Variants in MOCOS observed in about 807,000 individuals in gnomAD.
The protein encoded by MOCOS is human molybdenum cofactor sulfurase.
MOCOS carries 86 observed loss-of-function variants against 83.6 expected under a neutral mutation model. The observed-to-expected ratio is 1.03, with a 90% CI of 0.86 to 1.23. MOCOS has a LOEUF of 1.23. Ranked by LOEUF, MOCOS falls within the 50% of genes most tolerant of loss-of-function variation. MOCOS has a pLI of 0.00. For missense variants in MOCOS, 1,120 were observed against 1,126.9 expected (o/e 0.99, Z 0.09); for synonymous variants, 445 against 434.7 (o/e 1.02, Z -0.29).
Position 36,268,711 on chromosome 18 carries a change from C to T in MOCOS, c.*26C>T. The T allele has an allele frequency of 1.6e-6, 2 of 1,249,282 alleles. No homozygotes were observed. Among genetic ancestry groups the T allele is most frequent in the Non-Finnish European group, 2.3e-6 (2 of 882,044 alleles). 77.4% of individuals were successfully genotyped at this position (1,249,282 alleles called of 1,614,324 possible). On this transcript the variant is annotated 3_prime_UTR_variant, in exon 15 of 15. Coordinates refer to ENST00000261326, the MANE Select transcript of MOCOS (RefSeq NM_017947.4). ...AAAAAATTTTTAGCATAAAGTTTCT[C>T]TTTTACAGTGATCTCTATTATTGTT...
intron 13 of MOCOS, among the ~76,000 whole-genome samples, chr18:36,262,541 C>T (rs775137153): frequency 3.3e-5 from 5 of 152,126 alleles, no homozygotes; most frequent in Admixed American, 1.3e-4. Context: ...CTCTGTTGTC[C>T]AGGCTAGAGT....
rs1352766456 is a variant in MOCOS, at chr18:36,268,846, C to T, written c.*161C>T. The T allele has an allele frequency of 4.4e-6, 3 of 680,626 alleles. No individual in the cohort carries two copies. In the African/African-American group the frequency reaches 5.4e-5, roughly 12 times the overall value. The allele number at this position is 680,626 out of a possible 1,614,324, so 42.2% of individuals were successfully genotyped here. ...GCTTCCTTCTGCCTTTGACTTCTCACCCTGCAAATTTGCACTGGCTGTGCT... is the reference window on the plus strand; with the variant it reads ...GCTTCCTTCTGCCTTTGACTTCTCATCCTGCAAATTTGCACTGGCTGTGCT... On this transcript the variant is annotated 3_prime_UTR_variant, in exon 15 of 15. Transcript: ENST00000261326.
At chr18:36,197,478 T>G (rs981482599) in intron 2 of MOCOS, among the ~76,000 whole-genome samples, 1 of 151,946 alleles carries the variant, frequency 6.6e-6, no homozygotes, top group Non-Finnish European at 1.5e-5. Flanking sequence ...ATCATAAAAT[T>G]TACCAGCTGG....
chr18:36,192,684 G>A (rs551846811), intron 1 of MOCOS, among the ~76,000 whole-genome samples: 3 of 152,156 alleles, frequency 2.0e-5, no homozygotes, highest in African/African-American at 7.2e-5. Flanking sequence ...GTCTCACTCT[G>A]TCACAAAGAC....
At chr18:36,251,323 T>C (rs769445515) in intron 11 of MOCOS, 40 bp downstream of exon 11, 1 of 1,610,406 alleles carries the variant, frequency 6.2e-7, no homozygotes, top group Non-Finnish European at 8.5e-7. Flanking sequence ...ACAGGAACCC[T>C]GGCTTACCCT....
chr18:36,245,835 T>A (rs2091600413), intron 9 of MOCOS, among the ~76,000 whole-genome samples: 1 of 152,166 alleles, frequency 6.6e-6, no homozygotes, highest in Non-Finnish European at 1.5e-5. Flanking sequence ...AATTCTTTTT[T>A]ATTTGTCTTT....
rs755320663 is a variant in MOCOS, at chr18:36,251,278, G to A, written c.2159G>A (p.Gly720Glu). Residue 720 changes from glycine to glutamate, a missense_variant, in exon 11 of 15, where the codon GGA becomes GAA. By Grantham distance (98) the Gly-to-Glu change is moderately conservative (BLOSUM62 -2). Coordinates refer to ENST00000261326, the MANE Select transcript of MOCOS (RefSeq NM_017947.4). ...NSQRNAKKKHGKDQLPGTMAT... is the reference protein window; with the variant it reads ...NSQRNAKKKHEKDQLPGTMAT... The stretch of plus-strand genomic sequence containing the variant: ...CAAAGGAATGCAAAGAAGAAACATG[G>A]AAAAGGTATTACATTTTGAATTGGT... 8.7e-6 allele frequency: 14 copies of A among 1,613,946 alleles called. No individual in the cohort carries two copies. In the South Asian group the frequency reaches 1.4e-4, roughly 16 times the overall value.
intron 1 of MOCOS, among the ~76,000 whole-genome samples, chr18:36,189,019 C>T (rs1329993694): frequency 6.6e-6 from 1 of 152,026 alleles, no homozygotes; most frequent in African/African-American, 2.4e-5. Flanking sequence ...GAGGGAGGCT[C>T]TCCATTCTTT....
At chr18:36,238,706 G>A (rs1265812283) in intron 9 of MOCOS, among the ~76,000 whole-genome samples, 9 of 109,446 alleles carry the variant, frequency 8.2e-5, no homozygotes, top group Non-Finnish European at 1.5e-4. Flanking sequence ...TTTCTGTCTC[G>A]TTGATCTGTC....
chr18:36,232,484 G>A (rs550513407), intron 9 of MOCOS, among the ~76,000 whole-genome samples: 6 of 151,920 alleles, frequency 3.9e-5, no homozygotes, highest in Non-Finnish European at 7.4e-5. Context: ...TCATTTCTTT[G>A]TGTTGAGGAT....
At chr18:36,259,979 A>G in intron 12 of MOCOS, 58 bp from the exon 13 acceptor site, 1 of 1,601,138 alleles carries the variant, frequency 6.2e-7, no homozygotes, top group South Asian at 1.1e-5. Flanking sequence ...GAATTATTAT[A>G]GTGGTACAAT....
intron 6 of MOCOS, among the ~76,000 whole-genome samples, chr18:36,208,815 A>T (rs575830074): frequency 3.3e-5 from 5 of 152,248 alleles, no homozygotes; most frequent in South Asian, 4.1e-4. Flanking sequence ...TGTGGCTAGG[A>T]CTTCCAGTAT....
chr18:36,251,426 G>T, intron 11 of MOCOS, 143 bp downstream of exon 11: 2 of 1,159,892 alleles, frequency 1.7e-6, no homozygotes, highest in Admixed American at 1.8e-5. Flanking sequence ...GAAACCTACT[G>T]CAGTAGCCCC....
At position 36,263,948 on chromosome 18, in the gene MOCOS, G is replaced by C. The variant is rs554276040; in HGVS notation, c.2410-2801G>C. 7.2e-5 allele frequency among the ~76,000 whole-genome samples: 11 copies of C among 152,212 alleles called. 1 individual carries two copies. In the South Asian group the frequency reaches 1.9e-3, roughly 26 times the overall value. On this transcript the variant is annotated intron_variant, in intron 13 of 14. Coordinates refer to ENST00000261326, the MANE Select transcript of MOCOS (RefSeq NM_017947.4). The stretch of plus-strand genomic sequence containing the variant: ...TCCCAGCACTTTGGGAGACTGAGGT[G>C]CTCGGATCACCTGAGGTCAGGAGTT...
At chr18:36,188,904 CCTT>C (rs2091354055) in intron 1 of MOCOS, among the ~76,000 whole-genome samples, 1 of 95,382 alleles carries the variant, frequency 1.0e-5, no homozygotes, top group East Asian at 3.4e-4. Context: ...AGCTCCTCAC[CCTT>C]CTTTCGTATT....
rs371375206 is a variant in MOCOS, at chr18:36,211,001, G to T, written c.1219-2365G>T. Among the ~76,000 whole-genome samples, 5 of 152,102 alleles carry T rather than the reference G, an allele frequency of 3.3e-5. No homozygotes were observed. The South Asian group carries it at 6.2e-4, about 19-fold the overall frequency. ...TGTCTGGGGACTCTCATTCCCCAGG[G>T]CTAGACACAGGATGAGTTTCTCCCT... On this transcript the variant is annotated intron_variant, in intron 6 of 14. Transcript: ENST00000261326.
intron 3 of MOCOS, among the ~76,000 whole-genome samples, chr18:36,198,994 G>A (rs2091401236): frequency 1.3e-5 from 2 of 152,186 alleles, no homozygotes; most frequent in African/African-American, 4.8e-5. Context: ...GCACACAGCT[G>A]TTCTGTGTGG....
intron 4 of MOCOS, among the ~76,000 whole-genome samples, chr18:36,201,663 C>CCAAAAAAAAA (rs2091415137): frequency 1.4e-5 from 1 of 69,444 alleles, no homozygotes; most frequent in African/African-American, 4.9e-5. Flanking sequence ...ACTCCATCTC[C>CCAAAAAAAAA]AAAAAAAAAA....
intron 6 of MOCOS, among the ~76,000 whole-genome samples, chr18:36,208,281 C>CATATGAA (rs2091441804): frequency 6.8e-6 from 1 of 146,352 alleles, no homozygotes; most frequent in Non-Finnish European, 1.5e-5. Context: ...TATTTGGGCT[C>CATATGAA]TTTTTTGGTT....
Sources: gnomAD v4.1 joint callset for allele counts (sites outside exome capture counted in the v4.1 genomes callset) on GRCh38, gnomAD v4.1.1 for gene constraint, MANE v1.5 for transcripts, NCBI Gene and HGNC (gene_info 2026-07-23, HGNC 2026-07-21) for gene names.